Variants in ABCB10 observed in about 807,000 individuals in gnomAD.
ABCB10 encodes ATP-binding cassette sub-family B member 10, mitochondrial.
ABCB10 carries 54 observed loss-of-function variants against 65.4 expected under a neutral mutation model. The ratio of observed to expected loss-of-function variants is 0.83; its 90% CI spans 0.66 to 1.04. The LOEUF (loss-of-function observed/expected upper bound fraction) is 1.04, where lower values mean the gene tolerates loss of function less well. Ranked by LOEUF, ABCB10 falls within the 50% of genes least tolerant of loss-of-function variation. The pLI, the probability that ABCB10 is intolerant of heterozygous loss-of-function variation, is 0.00. For synonymous variants in ABCB10, 418 were observed against 406.5 expected (o/e 1.03, Z -0.34); for missense variants, 846 against 976.6 (o/e 0.87, Z 1.78).
intron 3 of ABCB10, among the ~76,000 whole-genome samples, chr1:229,547,106 G>A (rs1662985938): frequency 6.6e-6 from 1 of 152,114 alleles, no homozygotes; most frequent in Admixed American, 6.5e-5. Flanking sequence ...GGAGTGAAGA[G>A]CTCTCCCCTT....
At chr1:229,555,567 C>G (rs1173317196) in intron 1 of ABCB10, among the ~76,000 whole-genome samples, 1 of 152,246 alleles carries the variant, frequency 6.6e-6, no homozygotes. Flanking sequence ...TCTGTTCACA[C>G]AGTTTAGGAG....
intron 7 of ABCB10, 80 bp downstream of exon 7, chr1:229,531,556 T>G (rs1012659653): frequency 7.2e-7 from 1 of 1,394,162 alleles, no homozygotes; most frequent in Non-Finnish European, 1.0e-6. Context: ...CCTCACTCCC[T>G]TGCAGACAGG....
chr1:229,528,322 G>A (rs1250598361), intron 8 of ABCB10, among the ~76,000 whole-genome samples: 1 of 145,172 alleles, frequency 6.9e-6, no homozygotes, highest in Non-Finnish European at 1.5e-5. Flanking sequence ...GATTTTTTTT[G>A]GTCTTTTTTT....
chr1:229,550,548 A>AT (rs397940385), intron 1 of ABCB10, among the ~76,000 whole-genome samples: 2 of 147,012 alleles, frequency 1.4e-5, no homozygotes, highest in African/African-American at 5.1e-5. Context: ...AAAAAAAAAA[A>AT]TTTTAGAAAA....
intron 1 of ABCB10, among the ~76,000 whole-genome samples, chr1:229,552,816 A>C (rs1163371591): frequency 6.6e-6 from 1 of 152,160 alleles, no homozygotes; most frequent in Non-Finnish European, 1.5e-5. Flanking sequence ...AGGAATCTCG[A>C]ACACAGAGAG....
intron 11 of ABCB10, 48 bp from the exon 12 acceptor site, chr1:229,518,923 A>C (rs200070440): frequency 1.4e-6 from 2 of 1,434,696 alleles, no homozygotes; most frequent in Admixed American, 3.7e-5. Context: ...TATTGGAAAA[A>C]TACAAACTCT....
chr1:229,534,210 A>C (rs1388152604), intron 6 of ABCB10, among the ~76,000 whole-genome samples: 1 of 152,192 alleles, frequency 6.6e-6, no homozygotes, highest in East Asian at 1.9e-4. Flanking sequence ...AATGCCAACT[A>C]AAACAACAAT....
chr1:229,532,665 G>A (rs748780726), intron 6 of ABCB10, among the ~76,000 whole-genome samples: 1 of 151,848 alleles, frequency 6.6e-6, no homozygotes, highest in East Asian at 1.9e-4. Context: ...AGGATTGCTA[G>A]AGCCCAGGAG....
intron 1 of ABCB10, among the ~76,000 whole-genome samples, chr1:229,556,334 T>C (rs1021045100): frequency 6.7e-6 from 1 of 150,148 alleles, no homozygotes; most frequent in Non-Finnish European, 1.5e-5. Flanking sequence ...ATCACGCCAT[T>C]GCACTCCAGC....
chr1:229,557,320 T>C (rs1310269969), intron 1 of ABCB10, among the ~76,000 whole-genome samples: 1 of 152,126 alleles, frequency 6.6e-6, no homozygotes, highest in African/African-American at 2.4e-5. Flanking sequence ...CCCACTAACC[T>C]AGAAGCCCCA....
At chr1:229,537,628 A>G (rs1254522397) in intron 6 of ABCB10, among the ~76,000 whole-genome samples, 3 of 152,166 alleles carry the variant, frequency 2.0e-5, no homozygotes, top group Non-Finnish European at 4.4e-5. Flanking sequence ...CTCTATTAAA[A>G]AAATCCAAAA....
At chr1:229,521,486 AC>A in intron 11 of ABCB10, 105 bp downstream of exon 11, 21 of 1,400,760 alleles carry the variant, frequency 1.5e-5, no homozygotes, top group East Asian at 4.7e-5. Flanking sequence ...AAAAAAAAAA[AC>A]AAAAAACAGG....
intron 5 of ABCB10, 68 bp from the exon 6 acceptor site, chr1:229,539,659 C>T (rs565301905): frequency 2.8e-5 from 44 of 1,550,050 alleles, no homozygotes; most frequent in Non-Finnish European, 2.9e-5. Context: ...AGCATGAACA[C>T]GGCCTGTAAT....
chr1:229,540,968 T>C (rs1001521734), intron 4 of ABCB10, among the ~76,000 whole-genome samples: 1 of 152,138 alleles, frequency 6.6e-6, no homozygotes, highest in African/African-American at 2.4e-5. Context: ...AAGCAGAGTA[T>C]ACAAAACAAT....
chr1:229,538,790 T>A (rs1159735630), intron 6 of ABCB10, among the ~76,000 whole-genome samples: 1 of 152,164 alleles, frequency 6.6e-6, no homozygotes, highest in Non-Finnish European at 1.5e-5. Context: ...TAATGTTCCA[T>A]TAATCAGACC....
intron 6 of ABCB10, among the ~76,000 whole-genome samples, chr1:229,538,123 A>G (rs1375118326): frequency 6.6e-6 from 1 of 152,214 alleles, no homozygotes; most frequent in Non-Finnish European, 1.5e-5. Context: ...AGCACCTCCC[A>G]TAACCAGTGG....
At position 229,547,622 on chromosome 1, in the gene ABCB10, A is replaced by G. The variant is rs764482239; in HGVS notation, c.798T>C (p.Thr266=). ...LRQEVAFFDK[T]RTGELINRLS... is the part of the protein sequence containing the mutation. ...GGCGGTTAATCAATTCTCCTGTGCG[A>G]GTCTTGTCAAAGAAAGCAACCTCCT... The change falls in exon 3 of 13, where the codon ACT becomes ACC. Residue 266 remains threonine, a synonymous_variant. Coordinates refer to ENST00000344517, the MANE Select transcript of ABCB10 (RefSeq NM_012089.3). The G allele has an allele frequency of 1.1e-5, 18 of 1,614,120 alleles. No homozygotes were observed. Among genetic ancestry groups the G allele is most frequent in the Non-Finnish European group, 1.4e-5 (16 of 1,180,052 alleles).
intron 11 of ABCB10, 89 bp downstream of exon 11, chr1:229,521,501 AGG>A: frequency 6.9e-7 from 1 of 1,447,548 alleles, no homozygotes; most frequent in Non-Finnish European, 9.4e-7. Flanking sequence ...AAACAGGAAA[AGG>A]AAGAAGACAA....
At chr1:229,541,383 C>G (rs1285260731) in intron 4 of ABCB10, among the ~76,000 whole-genome samples, 1 of 152,086 alleles carries the variant, frequency 6.6e-6, no homozygotes, top group Admixed American at 6.5e-5. Context: ...CAAACCAGCA[C>G]GCCCAGCTAA....
Sources: allele counts gnomAD v4.1 joint callset (sites outside exome capture counted in the v4.1 genomes callset), GRCh38; gene constraint gnomAD v4.1.1; transcripts MANE v1.5; gene names NCBI Gene and HGNC (gene_info 2026-07-23, HGNC 2026-07-21).